Variants in NCAM1 observed in about 807,000 individuals in gnomAD.
NCAM1 encodes the protein neural cell adhesion molecule 1, also known as antigen recognized by monoclonal antibody 5.1H11.
In NCAM1, 14 loss-of-function variants were observed where a neutral mutation model predicts 109.8. The observed-to-expected ratio is 0.13, with a 90% CI of 0.08 to 0.20. NCAM1 has a LOEUF of 0.20. Among genes scored for constraint, NCAM1 ranks in the 10% least tolerant of loss-of-function variants. The pLI is 1.00. For missense variants in NCAM1, 774 were observed against 1,109.9 expected (o/e 0.70, Z 4.30); for synonymous variants, 418 against 442.9 (o/e 0.94, Z 0.70).
intron 1 of NCAM1, among the ~76,000 whole-genome samples, chr11:113,072,223 A>G (rs1032546609): frequency 6.6e-6 from 1 of 152,232 alleles, no homozygotes; most frequent in Non-Finnish European, 1.5e-5. Flanking sequence ...GATTTGGCCA[A>G]TGGTTACACT....
chr11:113,237,972 A>T (rs904805786), intron 14 of NCAM1, among the ~76,000 whole-genome samples: 1 of 148,292 alleles, frequency 6.7e-6, no homozygotes, highest in Non-Finnish European at 1.5e-5. Flanking sequence ...ATAGATAGAT[A>T]TAGATATATA....
chr11:113,220,576 G>A (rs1234051633), intron 8 of NCAM1, among the ~76,000 whole-genome samples: 7 of 147,472 alleles, frequency 4.7e-5, no homozygotes, highest in Non-Finnish European at 8.9e-5. Flanking sequence ...TCCAAAGAAG[G>A]AGACCTATTC....
rs188061760 is a variant in NCAM1 at position 112,989,492 on chromosome 11, T to G, written c.52+27828T>G. Among the ~76,000 whole-genome samples the G allele has an allele frequency of 1.9e-3, 296 of 152,292 alleles. 1 individual carries two copies. The highest frequency in any genetic ancestry group is 6.4e-3 in the African/African-American group (268 of 41,580). ...TTTATGTTTCTGTTTATTTATTACATTTCTTATTTTGTTCATGCATTGTCT... is the reference window on the plus strand; with the variant it reads ...TTTATGTTTCTGTTTATTTATTACAGTTCTTATTTTGTTCATGCATTGTCT... On this transcript the variant is annotated intron_variant, in intron 1 of 19. Transcript: ENST00000316851.
intron 1 of NCAM1, among the ~76,000 whole-genome samples, chr11:113,153,168 G>A (rs1555102794): frequency 1.3e-5 from 2 of 151,776 alleles, no homozygotes; most frequent in Non-Finnish European, 2.9e-5. Flanking sequence ...TCAGCCTCCT[G>A]AGTAGCTGGC....
intron 1 of NCAM1, among the ~76,000 whole-genome samples, chr11:113,019,319 C>A (rs971419856): frequency 2.0e-5 from 3 of 152,142 alleles, no homozygotes; most frequent in Admixed American, 2.0e-4. Flanking sequence ...TGATGATAAA[C>A]TCTCTGCAGG....
At chr11:113,124,287 C>T (rs782352995) in intron 1 of NCAM1, among the ~76,000 whole-genome samples, 23 of 152,242 alleles carry the variant, frequency 1.5e-4, no homozygotes, top group East Asian at 7.7e-4. Flanking sequence ...TAAGCTTTTC[C>T]GGAGGTGTCT....
At chr11:113,257,877 C>T (rs1945871734) in intron 16 of NCAM1, among the ~76,000 whole-genome samples, 1 of 152,252 alleles carries the variant, frequency 6.6e-6, no homozygotes, top group Non-Finnish European at 1.5e-5. Context: ...GATATATACA[C>T]ATCCTAGCTT....
intron 1 of NCAM1, among the ~76,000 whole-genome samples, chr11:113,004,491 C>CA (rs56943909): frequency 0.19 from 27,727 of 149,328 alleles, 2,837 homozygotes; most frequent in East Asian, 0.27. Flanking sequence ...GATTTCATCT[C>CA]AAAAAAAAAA....
At chr11:113,170,668 T>C (rs1942960322) in intron 1 of NCAM1, among the ~76,000 whole-genome samples, 1 of 152,178 alleles carries the variant, frequency 6.6e-6, no homozygotes, top group Non-Finnish European at 1.5e-5. Flanking sequence ...TCGGGGCTGC[T>C]TGTTTAGGTT....
Position 113,083,636 on chromosome 11 carries a change from C to G in NCAM1, c.53-118743C>G, listed in dbSNP as rs570192485. ...TTTCAGTATGTTTGGCATGATTTTG[C>G]CTAGTCCTGTGTTTCTCAAAGTTAC... is the stretch of plus-strand genomic sequence containing the variant. On this transcript the variant is annotated intron_variant, in intron 1 of 19. Transcript: ENST00000316851. Among the ~76,000 whole-genome samples the G allele has an allele frequency of 2.0e-5, 3 of 152,250 alleles. No individual in the cohort carries two copies. In the South Asian group the frequency reaches 6.2e-4, roughly 32 times the overall value.
intron 14 of NCAM1, among the ~76,000 whole-genome samples, chr11:113,238,135 C>T (rs1330732302): frequency 2.0e-5 from 3 of 151,988 alleles, no homozygotes; most frequent in Non-Finnish European, 2.9e-5. Flanking sequence ...TAAGTAACCA[C>T]GACTCCAAGA....
At chr11:113,055,666 ATCT>A (rs1953671993) in intron 1 of NCAM1, among the ~76,000 whole-genome samples, 1 of 152,004 alleles carries the variant, frequency 6.6e-6, no homozygotes, top group South Asian at 2.1e-4. Flanking sequence ...CCCTTGTCTA[ATCT>A]TCTTCCCTTG....
At chr11:113,269,534 G>C (rs571642827) in intron 17 of NCAM1, 2 of 153,388 alleles carry the variant, frequency 1.3e-5, no homozygotes, top group East Asian at 3.9e-4. Flanking sequence ...CATGGCCTGG[G>C]GAGGCCTCCA....
intron 1 of NCAM1, among the ~76,000 whole-genome samples, chr11:113,027,209 A>G (rs1274960311): frequency 1.3e-5 from 2 of 152,224 alleles, no homozygotes; most frequent in Non-Finnish European, 2.9e-5. Flanking sequence ...AATAAAACAA[A>G]AGCCTAGGAA....
chr11:113,189,468 G>GAAAA, intron 1 of NCAM1, among the ~76,000 whole-genome samples: 1 of 120,708 alleles, frequency 8.3e-6, no homozygotes, highest in Non-Finnish European at 1.8e-5. Flanking sequence ...AAAAAAAAAA[G>GAAAA]AAAAGAAAAG....
At chr11:113,211,224 G>A (rs1555113618) in intron 7 of NCAM1, among the ~76,000 whole-genome samples, 1 of 152,146 alleles carries the variant, frequency 6.6e-6, no homozygotes, top group African/African-American at 2.4e-5. Context: ...GCCCATCACT[G>A]GGGGAGAAAT....
Position 113,205,719 on chromosome 11 carries a change from T to G in NCAM1, c.490+53T>G, listed in dbSNP as rs1944216639. 6.3e-6 allele frequency: 10 copies of G among 1,585,594 alleles called. No individual in the cohort carries two copies. The South Asian group carries it at 1.2e-4, about 19-fold the overall frequency. ...CTTTTCCCCAGGCCACCAAGTTCCC[T>G]AGCTTTTTCACCTGTACTGAGGCAT... On this transcript the variant is annotated intron_variant, in intron 4 of 19. Coordinates refer to ENST00000316851, the MANE Select transcript of NCAM1 (RefSeq NM_181351.5).
At chr11:113,135,075 T>C (rs1941549101) in intron 1 of NCAM1, among the ~76,000 whole-genome samples, 1 of 152,096 alleles carries the variant, frequency 6.6e-6, no homozygotes, top group Non-Finnish European at 1.5e-5. Flanking sequence ...CCCAAAGTTC[T>C]CTTGGGTGCT....
chr11:113,046,435 A>G (rs553144410), intron 1 of NCAM1, among the ~76,000 whole-genome samples: 23 of 152,330 alleles, frequency 1.5e-4, no homozygotes, highest in African/African-American at 5.5e-4. Flanking sequence ...CACAGAATCC[A>G]TAACTTCCCC....
Sources: allele counts gnomAD v4.1 joint callset (sites outside exome capture counted in the v4.1 genomes callset), GRCh38; gene constraint gnomAD v4.1.1; transcripts MANE v1.5; gene names NCBI Gene and HGNC (gene_info 2026-07-23, HGNC 2026-07-21).